The following KIAA1549L variants were observed in gnomAD, a reference collection of about 807,000 sequenced individuals.
KIAA1549L encodes the protein KIAA1549 like, also known as UPF0606 protein KIAA1549L.
A neutral mutation model predicts 160.7 loss-of-function variants in KIAA1549L; 88 were observed. That is an observed-to-expected ratio of 0.55 (90% CI 0.46 to 0.65). KIAA1549L has a LOEUF of 0.65. Ranked by LOEUF, KIAA1549L falls within the 30% of genes least tolerant of loss-of-function variation. KIAA1549L has a pLI of 0.00. For missense variants in KIAA1549L, 2,258 were observed against 2,437.5 expected, an observed-to-expected ratio of 0.93 and a Z score of 1.55; for synonymous variants, 950 against 976.7, an observed-to-expected ratio of 0.97 and a Z score of 0.51.
At chr11:33,614,558 A>T (rs1564924780) in intron 15 of KIAA1549L, among the ~76,000 whole-genome samples, 2 of 11,608 alleles carry the variant, frequency 1.7e-4, no homozygotes, top group South Asian at 2.5e-3. Flanking sequence ...ATATATATAT[A>T]TATATATATA....
intron 1 of KIAA1549L, among the ~76,000 whole-genome samples, chr11:33,411,390 G>A (rs1850782125): frequency 6.6e-6 from 1 of 152,022 alleles, no homozygotes; most frequent in South Asian, 2.1e-4. Flanking sequence ...CTGATCCCTG[G>A]GGCAGCCTGC....
At chr11:33,561,336 A>G (rs1186169114) in intron 7 of KIAA1549L, among the ~76,000 whole-genome samples, 1 of 152,354 alleles carries the variant, frequency 6.6e-6, no homozygotes, top group African/African-American at 2.4e-5. Flanking sequence ...CTCTTCATCT[A>G]CAAGTTGGAC....
At chr11:33,600,576 T>C (rs1590385249) in intron 13 of KIAA1549L, among the ~76,000 whole-genome samples, 1 of 149,342 alleles carries the variant, frequency 6.7e-6, no homozygotes, top group East Asian at 2.0e-4. Context: ...CTTCCTTCCT[T>C]CCTTTATATA....
At chr11:33,556,281 A>C (rs940888149) in intron 6 of KIAA1549L, among the ~76,000 whole-genome samples, 6 of 152,218 alleles carry the variant, frequency 3.9e-5, no homozygotes, top group African/African-American at 1.2e-4. Context: ...TAGAATTACC[A>C]TATGGTTCAG....
intron 1 of KIAA1549L, among the ~76,000 whole-genome samples, chr11:33,385,846 C>T (rs1850163182): frequency 6.6e-6 from 1 of 151,794 alleles, no homozygotes; most frequent in South Asian, 2.1e-4. Flanking sequence ...CAAATTTGTA[C>T]ATACATTTTT....
At chr11:33,397,233 C>T (rs1011599390) in intron 1 of KIAA1549L, among the ~76,000 whole-genome samples, 2 of 143,584 alleles carry the variant, frequency 1.4e-5, no homozygotes, top group Admixed American at 1.4e-4. Flanking sequence ...ACTTAGGAGG[C>T]TGAGGCAGGA....
intron 1 of KIAA1549L, among the ~76,000 whole-genome samples, chr11:33,397,710 TCACA>T (rs71034679): frequency 0.11 from 16,384 of 142,664 alleles, 1,113 homozygotes; most frequent in East Asian, 0.23. Flanking sequence ...AGACTCCATC[TCACA>T]CACACACACA....
chr11:33,600,066 T>C (rs947898768), intron 13 of KIAA1549L, among the ~76,000 whole-genome samples: 1 of 152,194 alleles, frequency 6.6e-6, no homozygotes, highest in Non-Finnish European at 1.5e-5. Flanking sequence ...TGGATTTGTA[T>C]TCTGTAGGGA....
intron 16 of KIAA1549L, among the ~76,000 whole-genome samples, chr11:33,625,577 A>G (rs1011253496): frequency 1.3e-5 from 2 of 152,000 alleles, no homozygotes; most frequent in African/African-American, 2.4e-5. Context: ...GTGTCTGTTC[A>G]TGTCCTTTGC....
chr11:33,436,386 C>T (rs750370103), intron 1 of KIAA1549L, among the ~76,000 whole-genome samples: 20 of 152,224 alleles, frequency 1.3e-4, no homozygotes, highest in Non-Finnish European at 2.5e-4. Context: ...CAAGAGACTA[C>T]TGTCCCAGCT....
intron 1 of KIAA1549L, among the ~76,000 whole-genome samples, chr11:33,414,398 CCTT>C (rs1448988409): frequency 2.0e-5 from 3 of 152,084 alleles, no homozygotes; most frequent in African/African-American, 7.2e-5. Flanking sequence ...GTTCACTTAA[CCTT>C]CTTTCTAGTG....
chr11:33,656,658 AGCACTGGGAAAG>A (rs1852075186), intron 18 of KIAA1549L, among the ~76,000 whole-genome samples: 9 of 152,260 alleles, frequency 5.9e-5, no homozygotes, highest in Admixed American at 5.9e-4. Flanking sequence ...AAAAGCCCTG[AGCACTGGGAAAG>A]GCTAGAACTG....
intron 1 of KIAA1549L, among the ~76,000 whole-genome samples, chr11:33,491,048 A>G (rs778249294): frequency 6.6e-6 from 1 of 152,234 alleles, no homozygotes; most frequent in Non-Finnish European, 1.5e-5. Flanking sequence ...TAATGGTATA[A>G]GTGTCTGTCT....
At chr11:33,391,030 A>G (rs1850263363) in intron 1 of KIAA1549L, among the ~76,000 whole-genome samples, 1 of 152,218 alleles carries the variant, frequency 6.6e-6, no homozygotes, top group South Asian at 2.1e-4. Context: ...AACTAGTTGC[A>G]TTTGTAATTA....
intron 16 of KIAA1549L, among the ~76,000 whole-genome samples, chr11:33,638,432 A>T (rs1452513704): frequency 1.6e-4 from 3 of 19,146 alleles, no homozygotes; most frequent in Admixed American, 4.1e-4. Flanking sequence ...TAAAAAAAAA[A>T]AAAATAAATA....
At chr11:33,554,869 C>CTA (rs1266190365) in intron 6 of KIAA1549L, among the ~76,000 whole-genome samples, 2 of 152,132 alleles carry the variant, frequency 1.3e-5, no homozygotes, top group Admixed American at 6.5e-5. Flanking sequence ...TTCCATCAGC[C>CTA]TATAGGTCTT....
intron 1 of KIAA1549L, among the ~76,000 whole-genome samples, chr11:33,380,522 G>A (rs1411142317): frequency 6.6e-6 from 1 of 152,178 alleles, no homozygotes; most frequent in African/African-American, 2.4e-5. Flanking sequence ...TTTTGGGGTG[G>A]AGAGTTCTGT....
chr11:33,495,017 G>T (rs1035941475), intron 1 of KIAA1549L, among the ~76,000 whole-genome samples: 1 of 152,118 alleles, frequency 6.6e-6, no homozygotes, highest in Non-Finnish European at 1.5e-5. Flanking sequence ...ACACGTCTAG[G>T]CCTTGGGAAT....
chr11:33,467,432 G>C (rs972712783), intron 1 of KIAA1549L, among the ~76,000 whole-genome samples: 6 of 152,360 alleles, frequency 3.9e-5, no homozygotes, highest in Admixed American at 3.3e-4. Context: ...CCATTGGGCA[G>C]ATGGAAAGTT....
Sources: allele counts gnomAD v4.1 joint callset (sites outside exome capture counted in the v4.1 genomes callset), GRCh38; gene constraint gnomAD v4.1.1; transcripts MANE v1.5; gene names NCBI Gene and HGNC (gene_info 2026-07-23, HGNC 2026-07-21).